TENM3: variants seen among roughly 807,000 people sequenced by gnomAD.
TENM3 encodes teneurin transmembrane protein 3.
In TENM3, 63 loss-of-function variants were observed where a neutral mutation model predicts 255.1. The observed-to-expected ratio is 0.25, with a 90% CI of 0.20 to 0.30. The LOEUF (loss-of-function observed/expected upper bound fraction) is 0.30. TENM3 is among the 10% of genes least tolerant of loss of function. The probability of loss-of-function intolerance (pLI) is 1.00; values close to 1 mark genes in which losing one functional copy is unlikely to be tolerated. For missense variants in TENM3, 2,929 were observed against 3,461.1 expected (o/e 0.85, Z 3.86); for synonymous variants, 1,306 against 1,322.3 (o/e 0.99, Z 0.27).
chr4:181,944,512 T>G, the TENM3 span, among the ~76,000 whole-genome samples: 1 of 152,188 alleles, frequency 6.6e-6, no homozygotes, highest in Admixed American at 6.5e-5. Flanking sequence ...TGCCCAGAAA[T>G]AATGTTTCAC....
the TENM3 span, among the ~76,000 whole-genome samples, chr4:181,699,981 G>A: frequency 3.9e-5 from 6 of 151,990 alleles, no homozygotes; most frequent in South Asian, 2.1e-4. Flanking sequence ...TGTTTCAGTC[G>A]TCCTGGCAAA....
chr4:181,648,227 T>G, the TENM3 span, among the ~76,000 whole-genome samples: 1 of 152,114 alleles, frequency 6.6e-6, no homozygotes, highest in South Asian at 2.1e-4. Context: ...GTTTTACAAG[T>G]TTCTAATTCA....
chr4:182,136,572 A>G, the TENM3 span, among the ~76,000 whole-genome samples: 5 of 152,206 alleles, frequency 3.3e-5, no homozygotes, highest in Admixed American at 6.5e-5. Context: ...ATTAACACAT[A>G]CCTAATAGGT....
At chr4:182,182,514 C>T (rs1472114846) in intron 1 of TENM3, among the ~76,000 whole-genome samples, 1 of 152,158 alleles carries the variant, frequency 6.6e-6, no homozygotes, top group Non-Finnish European at 1.5e-5. Context: ...GGTTCTGATA[C>T]AGGCATAGCG....
the TENM3 span, among the ~76,000 whole-genome samples, chr4:181,942,269 C>CTTT: frequency 2.1e-3 from 227 of 106,136 alleles, no homozygotes; most frequent in African/African-American, 8.3e-3. Flanking sequence ...GATGTTGGGC[C>CTTT]TTTTTTTTTT....
the TENM3 span, among the ~76,000 whole-genome samples, chr4:182,050,619 C>T: frequency 1.6e-4 from 25 of 152,118 alleles, no homozygotes; most frequent in East Asian, 3.9e-4. Flanking sequence ...GCCTGGACAA[C>T]GTGGCAAAAC....
intron 1 of TENM3, among the ~76,000 whole-genome samples, chr4:182,147,666 C>G (rs1038584053): frequency 6.6e-6 from 1 of 152,022 alleles, no homozygotes; most frequent in Non-Finnish European, 1.5e-5. Flanking sequence ...GTTTGGACTT[C>G]GAGGGCATAC....
intron 1 of TENM3, among the ~76,000 whole-genome samples, chr4:182,209,274 T>C (rs1470610897): frequency 1.1e-5 from 1 of 93,548 alleles, no homozygotes; most frequent in Non-Finnish European, 2.3e-5. Context: ...AGCCCAGCTG[T>C]CCCTCTTTAA....
intron 7 of TENM3, among the ~76,000 whole-genome samples, chr4:182,673,534 A>T (rs1034649520): frequency 7.2e-5 from 11 of 152,212 alleles, no homozygotes; most frequent in African/African-American, 2.7e-4. Context: ...AGATTCTATG[A>T]TAATTTCCGA....
At chr4:182,669,499 T>C (rs1321644199) in intron 6 of TENM3, among the ~76,000 whole-genome samples, 1 of 152,066 alleles carries the variant, frequency 6.6e-6, no homozygotes, top group East Asian at 1.9e-4. Context: ...CTCAATCTCC[T>C]GACCTCGTGA....
At chr4:181,678,413 A>T in the TENM3 span, among the ~76,000 whole-genome samples, 1 of 151,948 alleles carries the variant, frequency 6.6e-6, no homozygotes, top group Admixed American at 6.6e-5. Flanking sequence ...AGAATTGAGG[A>T]GGTCTTGAGG....
chr4:182,036,874 C>G, the TENM3 span, among the ~76,000 whole-genome samples: 1 of 152,040 alleles, frequency 6.6e-6, no homozygotes, highest in East Asian at 1.9e-4. Flanking sequence ...TTATAACAAA[C>G]TCAATTTACT....
Position 182,680,551 on chromosome 4 carries a change from C to T in TENM3, c.1648C>T (p.Pro550Ser). 1 of 1,612,770 alleles carries T rather than the reference C, an allele frequency of 6.2e-7. No homozygotes were observed. The highest frequency in any genetic ancestry group is 8.5e-7 in the Non-Finnish European group (1 of 1,179,620). ...LGPDCSRAAC[P>S]VLCSGNGQYS... The stretch of plus-strand genomic sequence containing the variant: ...CGTGTCTTGTTTCACAGCCGCCTGT[C>T]CAGTGTTATGTAGTGGCAACGGGCA... The change falls in exon 10 of 28, where the codon CCA (proline) becomes TCA (serine). Residue 550 changes from proline to serine, a missense_variant. Pro to Ser is a moderately conservative substitution (Grantham distance 74, BLOSUM62 -1). Coordinates refer to ENST00000511685, the MANE Select transcript of TENM3 (RefSeq NM_001080477.4).
At chr4:182,506,256 G>A (rs182746226) in intron 3 of TENM3, among the ~76,000 whole-genome samples, 6 of 152,224 alleles carry the variant, frequency 3.9e-5, no homozygotes, top group African/African-American at 9.6e-5. Context: ...TTCTGAAGAC[G>A]CTTGCTACTT....
chr4:182,648,605 A>C (rs182508851), intron 5 of TENM3, among the ~76,000 whole-genome samples: 1 of 152,138 alleles, frequency 6.6e-6, no homozygotes, highest in African/African-American at 2.4e-5. Flanking sequence ...TTATTTAAGT[A>C]TAATATACAT....
At chr4:182,412,319 T>A (rs9998404) in intron 3 of TENM3, among the ~76,000 whole-genome samples, 44,688 of 151,746 alleles carry the variant, frequency 0.29, 7,011 homozygotes, top group Middle Eastern at 0.38. Context: ...GTGCAAGGGG[T>A]TAGGTGAATG....
chr4:182,314,407 G>C (rs1233687947), intron 1 of TENM3, among the ~76,000 whole-genome samples: 1 of 152,186 alleles, frequency 6.6e-6, no homozygotes, highest in Non-Finnish European at 1.5e-5. Flanking sequence ...ATACATGTAG[G>C]ATAAGTGAAT....
chr4:181,489,136 G>A, the TENM3 span, among the ~76,000 whole-genome samples: 4 of 152,290 alleles, frequency 2.6e-5, no homozygotes, highest in South Asian at 8.3e-4. Flanking sequence ...TTCTGTAAAT[G>A]CCCAGTGTTT....
At chr4:182,342,830 G>A (rs975279810) in intron 2 of TENM3, among the ~76,000 whole-genome samples, 4 of 152,124 alleles carry the variant, frequency 2.6e-5, no homozygotes, top group African/African-American at 9.7e-5. Context: ...TCATACAAGA[G>A]ATAGTAGATG....
Sources: gnomAD v4.1 joint callset for allele counts (sites outside exome capture counted in the v4.1 genomes callset) on GRCh38, gnomAD v4.1.1 for gene constraint, MANE v1.5 for transcripts, NCBI Gene and HGNC (gene_info 2026-07-23, HGNC 2026-07-21) for gene names.